Variants in CDH4 observed in about 807,000 individuals in gnomAD.
CDH4 encodes the protein cadherin 4.
In CDH4, 33 loss-of-function variants were observed where a neutral mutation model predicts 86.0. That is an observed-to-expected ratio of 0.38 (90% CI 0.29 to 0.51). The LOEUF is 0.51. Ranked by LOEUF, CDH4 falls within the 20% of genes least tolerant of loss-of-function variation. The probability of loss-of-function intolerance (pLI) is 0.86; values close to 1 mark genes in which losing one functional copy is unlikely to be tolerated. For missense variants in CDH4, 1,114 were observed against 1,307.4 expected (o/e 0.85, Z 2.28); for synonymous variants, 555 against 549.4 (o/e 1.01, Z -0.14).
chr20:61,604,943 C>T (rs145320739), intron 2 of CDH4, among the ~76,000 whole-genome samples: 1 of 152,222 alleles, frequency 6.6e-6, no homozygotes, highest in Non-Finnish European at 1.5e-5. Flanking sequence ...TCACCATCAC[C>T]ACCTCCCTGA....
intron 2 of CDH4, among the ~76,000 whole-genome samples, chr20:61,387,845 C>T (rs1467420149): frequency 6.6e-6 from 1 of 152,126 alleles, no homozygotes; most frequent in Non-Finnish European, 1.5e-5. Context: ...CCCACTCCTT[C>T]CCGGCCCCAC....
chr20:61,731,148 G>A (rs891402094), intron 2 of CDH4, among the ~76,000 whole-genome samples: 5 of 152,050 alleles, frequency 3.3e-5, no homozygotes, highest in Non-Finnish European at 7.4e-5. Context: ...GAGCATGAGG[G>A]CGTCCGAGTC....
chr20:61,468,718 C>T (rs1184095311), intron 2 of CDH4, among the ~76,000 whole-genome samples: 1 of 152,202 alleles, frequency 6.6e-6, no homozygotes, highest in Non-Finnish European at 1.5e-5. Flanking sequence ...TCTCATCCAT[C>T]CTTCTACTAG....
intron 2 of CDH4, among the ~76,000 whole-genome samples, chr20:61,695,239 C>T (rs1457268269): frequency 2.0e-5 from 3 of 152,260 alleles, no homozygotes; most frequent in Admixed American, 1.3e-4. Flanking sequence ...ACTGAAGACA[C>T]ATACCCTGCC....
intron 2 of CDH4, among the ~76,000 whole-genome samples, chr20:61,515,787 G>A (rs2085814291): frequency 1.3e-5 from 2 of 152,156 alleles, no homozygotes; most frequent in Non-Finnish European, 2.9e-5. Flanking sequence ...ATCACGTCTG[G>A]CTTTTTTTGT....
chr20:61,418,006 T>C (rs2085156129), intron 2 of CDH4, among the ~76,000 whole-genome samples: 1 of 151,970 alleles, frequency 6.6e-6, no homozygotes, highest in Non-Finnish European at 1.5e-5. Context: ...CCTGCTTCCT[T>C]AGACAGATCA....
At chr20:61,456,007 A>G (rs1242313631) in intron 2 of CDH4, among the ~76,000 whole-genome samples, 1 of 151,944 alleles carries the variant, frequency 6.6e-6, no homozygotes, top group African/African-American at 2.4e-5. Context: ...GGATAGATAT[A>G]TGGAGGGAGG....
At chr20:61,636,719 G>C (rs376490811) in intron 2 of CDH4, among the ~76,000 whole-genome samples, 1 of 152,194 alleles carries the variant, frequency 6.6e-6, no homozygotes, top group African/African-American at 2.4e-5. Context: ...AGAGTTCCAC[G>C]CCCTCCCCTG....
At chr20:61,911,769 C>A (rs1031865306) in intron 9 of CDH4, among the ~76,000 whole-genome samples, 1 of 152,224 alleles carries the variant, frequency 6.6e-6, no homozygotes, top group South Asian at 2.1e-4. Context: ...GAGCTTAAAG[C>A]TGGATAGGAT....
chr20:61,670,070 G>A (rs1463658243), intron 2 of CDH4, among the ~76,000 whole-genome samples: 2 of 152,212 alleles, frequency 1.3e-5, no homozygotes, highest in Non-Finnish European at 2.9e-5. Context: ...CTGACAGGAG[G>A]CAGATGCTGG....
chr20:61,880,980 AG>A (rs377351676), intron 7 of CDH4, among the ~76,000 whole-genome samples: 48 of 152,326 alleles, frequency 3.2e-4, no homozygotes, highest in African/African-American at 1.1e-3. Context: ...TGGATGGCAG[AG>A]GAGGGGGCTG....
chr20:61,562,273 G>C (rs1600760536), intron 2 of CDH4, among the ~76,000 whole-genome samples: 2 of 98,814 alleles, frequency 2.0e-5, no homozygotes, highest in Non-Finnish European at 1.9e-5. Context: ...CCTCCGTGTG[G>C]AGAGGTGGAC....
At chr20:61,319,235 T>C (rs771816836) in intron 2 of CDH4, among the ~76,000 whole-genome samples, 3 of 152,106 alleles carry the variant, frequency 2.0e-5, no homozygotes. Context: ...AGGTGCATTA[T>C]TATCCCCATT....
intron 2 of CDH4, among the ~76,000 whole-genome samples, chr20:61,366,428 G>GAC (rs1382938004): frequency 1.3e-5 from 2 of 152,192 alleles, no homozygotes; most frequent in Non-Finnish European, 1.5e-5. Flanking sequence ...AGGAATTAAA[G>GAC]ACACACACAC....
chr20:61,526,176 C>CA (rs1555860345), intron 2 of CDH4, among the ~76,000 whole-genome samples: 2 of 152,020 alleles, frequency 1.3e-5, no homozygotes, highest in African/African-American at 4.8e-5. Flanking sequence ...GCCCCTCCCC[C>CA]TCCCCGGGTG....
chr20:61,598,725 T>C (rs2145741396), intron 2 of CDH4, among the ~76,000 whole-genome samples: 1 of 152,298 alleles, frequency 6.6e-6, no homozygotes, highest in South Asian at 2.1e-4. Flanking sequence ...TTTCTCACCC[T>C]CTTCTCCACG....
rs554182733 is a variant in CDH4, at chr20:61,349,020, C to T, written c.169+94083C>T. Among the ~76,000 whole-genome samples the T allele has an allele frequency of 2.6e-5, 4 of 152,312 alleles. No homozygotes were observed. In the East Asian group the frequency reaches 5.8e-4, roughly 22 times the overall value. On this transcript the variant is annotated intron_variant, in intron 2 of 15. Coordinates refer to ENST00000614565, the MANE Select transcript of CDH4 (RefSeq NM_001794.5). Reference sequence around the variant, plus strand: ...TGGTGGTGGGAGGGCCACATTGTGCCGCAATTGTTCCTTTATGTAGTTAGC... The same window carrying T: ...TGGTGGTGGGAGGGCCACATTGTGCTGCAATTGTTCCTTTATGTAGTTAGC...
chr20:61,768,331 T>C (rs112144155), intron 3 of CDH4, among the ~76,000 whole-genome samples: 1 of 152,350 alleles, frequency 6.6e-6, no homozygotes, highest in African/African-American at 2.4e-5. Flanking sequence ...CTGTGCATAT[T>C]TGACGTGTGC....
intron 2 of CDH4, among the ~76,000 whole-genome samples, chr20:61,448,783 T>G: frequency 6.6e-6 from 1 of 152,178 alleles, no homozygotes; most frequent in South Asian, 2.1e-4. Context: ...CACCCGCGCA[T>G]CTGAGGTTTT....
Sources: allele counts gnomAD v4.1 joint callset (sites outside exome capture counted in the v4.1 genomes callset), GRCh38; gene constraint gnomAD v4.1.1; transcripts MANE v1.5; gene names NCBI Gene and HGNC (gene_info 2026-07-23, HGNC 2026-07-21).